The following SYNE2 variants were observed in gnomAD, a reference collection of about 807,000 sequenced individuals.
SYNE2 encodes nesprin-2.
A neutral mutation model predicts 856.3 loss-of-function variants in SYNE2; 431 were observed. That is an observed-to-expected ratio of 0.50 (90% confidence interval 0.47 to 0.55). SYNE2 has a LOEUF of 0.55. SYNE2 is among the 20% of genes least tolerant of loss of function. The pLI is 0.00. For synonymous variants in SYNE2, 2,923 were observed against 2,872.3 expected (o/e 1.02, Z -0.56); for missense variants, 8,129 against 8,023.2 (o/e 1.01, Z -0.50).
intron 1 of SYNE2, among the ~76,000 whole-genome samples, chr14:63,812,935 A>G (rs954084011): frequency 2.0e-5 from 3 of 152,192 alleles, no homozygotes; most frequent in Non-Finnish European, 1.5e-5. Context: ...AGCCTGATAA[A>G]TGGCTTTCAA....
chr14:63,807,891 G>C (rs1260639703), intron 1 of SYNE2, among the ~76,000 whole-genome samples: 2 of 121,216 alleles, frequency 1.6e-5, no homozygotes, highest in African/African-American at 5.8e-5. Context: ...GGGAACAAGT[G>C]GTGTTTGGTT....
intron 1 of SYNE2, among the ~76,000 whole-genome samples, chr14:63,830,199 G>A (rs995048943): frequency 1.3e-5 from 2 of 151,372 alleles, no homozygotes; most frequent in Non-Finnish European, 2.9e-5. Flanking sequence ...ATGGAAAGTA[G>A]ATTAGTAGTG....
intron 1 of SYNE2, among the ~76,000 whole-genome samples, chr14:63,768,740 C>A (rs1886782997): frequency 6.6e-6 from 1 of 152,114 alleles, no homozygotes; most frequent in African/African-American, 2.4e-5. Flanking sequence ...ACAAACTAAA[C>A]CTCCAGCTAA....
Position 64,081,525 on chromosome 14 carries a change from A to G in SYNE2, c.11429A>G (p.Asn3810Ser), listed in dbSNP as rs772602777. ...WIENTSHLLANPADYDSLRTL... is the reference protein window; with the variant it reads ...WIENTSHLLASPADYDSLRTL... Reference sequence around the variant, plus strand: ...GAAAATACCAGTCATTTGCTGGCCAATCCTGCTGACTATGACTCTTTGAGG... The same window carrying G: ...GAAAATACCAGTCATTTGCTGGCCAGTCCTGCTGACTATGACTCTTTGAGG... Residue 3810 changes from asparagine to serine, a missense_variant, in exon 57 of 116, where the codon AAT (asparagine) becomes AGT (serine). By Grantham distance (46) the Asn-to-Ser change is conservative (BLOSUM62 1). Around this residue, in one of 3 missense-constraint regions of SYNE2, gnomAD observed 5,410 missense variants for 5,284.8 expected, o/e 1.02. Transcript: ENST00000555002. The G allele has an allele frequency of 1.2e-6, 2 of 1,614,164 alleles. No homozygotes were observed. The highest frequency in any genetic ancestry group is 1.7e-5 in the Admixed American group (1 of 60,024).
chr14:64,216,568 C>A, intron 108 of SYNE2, 181 bp downstream of exon 108: 1 of 737,730 alleles, frequency 1.4e-6, no homozygotes, highest in South Asian at 1.5e-5. Flanking sequence ...CCCGGCAAAA[C>A]CGATTAGACT....
intron 49 of SYNE2, among the ~76,000 whole-genome samples, chr14:64,057,809 C>T (rs61984125): frequency 6.6e-6 from 1 of 152,142 alleles, no homozygotes; most frequent in Non-Finnish European, 1.5e-5. Flanking sequence ...GGCTAAAAGC[C>T]ATTTTAACTG....
In SYNE2 at chr14:64,113,484, G is replaced by T. The variant is rs1243171335; in HGVS notation, c.12753G>T (p.Trp4251Cys). The T allele has an allele frequency of 2.5e-6, 4 of 1,614,050 alleles. No individual in the cohort carries two copies. The African/African-American group carries it at 5.3e-5, about 22-fold the overall frequency. The change falls in exon 66 of 116, where the codon TGG (tryptophan) becomes TGT (cysteine). Residue 4251 changes from tryptophan (W) to cysteine (C), a missense_variant. Physicochemically the swap from Trp to Cys is radical, Grantham distance 215. This residue lies in a region of SYNE2 where 5,410 missense variants were observed against 5,284.8 expected (regional missense o/e 1.02). Transcript: ENST00000555002. Reference protein sequence around the residue: ...CKTQVAELELWLQQANVAVEP... With the variant: ...CKTQVAELELCLQQANVAVEP... The stretch of plus-strand genomic sequence containing the variant: ...CCCAGGTGGCCGAGCTGGAGCTGTG[G>T]CTGCAACAAGCCAACGTGGCAGTTG...
intron 45 of SYNE2, 150 bp downstream of exon 45, chr14:64,031,507 C>T (rs1052696498): frequency 2.7e-6 from 2 of 748,496 alleles, no homozygotes; most frequent in African/African-American, 3.5e-5. Context: ...GTAAAAAGAG[C>T]TCTTAGAAAA....
rs2094823241 is a variant in SYNE2, at chr14:63,880,048, A to G, written c.-52+26905A>G. 2.6e-5 allele frequency among the ~76,000 whole-genome samples: 4 copies of G among 152,310 alleles called. No homozygotes were observed. The South Asian group carries it at 8.3e-4, about 32-fold the overall frequency. On this transcript the variant is annotated intron_variant, in intron 1 of 115. Transcript: ENST00000555002. The stretch of plus-strand genomic sequence containing the variant: ...TATTTATTTTCTTATTTCACTTGAT[A>G]GAAGGGTTGACATTAAGTGGTTTTA...
At chr14:64,012,799 G>A (rs763641892) in intron 32 of SYNE2, among the ~76,000 whole-genome samples, 2 of 152,126 alleles carry the variant, frequency 1.3e-5, no homozygotes, top group Non-Finnish European at 2.9e-5. Flanking sequence ...GCAGATTTTA[G>A]TACTAATTGT....
At chr14:63,790,249 C>T (rs1265298404) in intron 1 of SYNE2, among the ~76,000 whole-genome samples, 1 of 151,920 alleles carries the variant, frequency 6.6e-6, no homozygotes, top group African/African-American at 2.4e-5. Context: ...GGGGGATCAC[C>T]TGAGCCTGGG....
intron 1 of SYNE2, among the ~76,000 whole-genome samples, chr14:63,846,977 G>GT (rs1200654267): frequency 6.6e-6 from 1 of 150,996 alleles, no homozygotes; most frequent in Non-Finnish European, 1.5e-5. Flanking sequence ...TTATTATATT[G>GT]TTTATTTATT....
intron 74 of SYNE2, among the ~76,000 whole-genome samples, chr14:64,129,185 T>TA (rs776906958): frequency 9.2e-5 from 14 of 152,204 alleles, no homozygotes; most frequent in African/African-American, 1.2e-4. Flanking sequence ...CACACGGCTG[T>TA]AGTCCCACCT....
intron 97 of SYNE2, 136 bp from the exon 98 acceptor site, chr14:64,188,414 G>C: frequency 1.1e-6 from 1 of 929,960 alleles, no homozygotes; most frequent in East Asian, 2.6e-5. Context: ...CCTAGGTTTA[G>C]AAGAGGCAAA....
Position 64,065,568 on chromosome 14 carries a change from G to T in SYNE2, c.10349G>T (p.Trp3450Leu). The T allele has an allele frequency of 6.2e-7, 1 of 1,614,186 alleles. No homozygotes were observed. Among genetic ancestry groups the T allele is most frequent in the African/African-American group, 1.3e-5 (1 of 75,044 alleles). Residue 3450 changes from tryptophan to leucine, a missense_variant, in exon 51 of 116, where the codon TGG becomes TTG. Around this residue, in one of 3 missense-constraint regions of SYNE2, gnomAD observed 5,410 missense variants for 5,284.8 expected, o/e 1.02. Coordinates refer to ENST00000555002, the MANE Select transcript of SYNE2 (RefSeq NM_182914.3). ...ATTGTGTCGGCTCTGTGGGAGAAAT[G>T]GCTGAGTTTGCTGGAAGCTGCTAAA... ...LKIVSALWEK[W>L]LSLLEAAKEW...
intron 1 of SYNE2, among the ~76,000 whole-genome samples, chr14:63,893,862 G>A (rs1327119197): frequency 1.3e-5 from 2 of 152,158 alleles, no homozygotes; most frequent in African/African-American, 2.4e-5. Context: ...AAGGATGTCC[G>A]TAGTATACTC....
At position 63,954,931 on chromosome 14, in the gene SYNE2, T is replaced by C; in HGVS notation, c.787+16T>C. On this transcript the variant is annotated intron_variant, in intron 8 of 115. Transcript: ENST00000555002. ...GAACCAGAAGGTAAAGAAGCTTCTT[T>C]GTTTTTAAAACAATCTTTAAGGCTT... 1 of 1,598,646 alleles carries C rather than the reference T, an allele frequency of 6.3e-7. No individual in the cohort carries two copies. The highest frequency in any genetic ancestry group is 8.6e-7 in the Non-Finnish European group (1 of 1,169,154).
intron 33 of SYNE2, 53 bp from the exon 34 acceptor site, chr14:64,017,542 T>A: frequency 6.9e-7 from 1 of 1,450,334 alleles, no homozygotes; most frequent in Non-Finnish European, 9.7e-7. Context: ...GAAACAGTGG[T>A]TTTCAGACTT....
chr14:64,188,801 G>A, intron 98 of SYNE2, 93 bp downstream of exon 98: 4 of 1,325,948 alleles, frequency 3.0e-6, no homozygotes, highest in Non-Finnish European at 4.3e-6. Flanking sequence ...AATGTTACGG[G>A]TGTTTCCAGT....
Sources: allele counts gnomAD v4.1 joint callset (sites outside exome capture counted in the v4.1 genomes callset), GRCh38; gene constraint gnomAD v4.1.1; regional missense constraint gnomAD v4.1.1; transcripts MANE v1.5; gene names NCBI Gene and HGNC (gene_info 2026-07-23, HGNC 2026-07-21).